The following AKAP13 variants were observed in gnomAD, a reference collection of about 807,000 sequenced individuals.
AKAP13 encodes the protein A-kinase anchor protein 13.
In AKAP13, 80 loss-of-function variants were observed where a neutral mutation model predicts 264.5. That is an observed-to-expected ratio of 0.30 (90% CI 0.25 to 0.36). The LOEUF (loss-of-function observed/expected upper bound fraction) is 0.36. Among genes scored for constraint, AKAP13 ranks in the 10% least tolerant of loss-of-function variants. AKAP13 has a pLI of 1.00. For missense variants in AKAP13, 3,712 were observed against 3,435.2 expected, an observed-to-expected ratio of 1.08 and a Z score of -2.01; for synonymous variants, 1,380 against 1,250.2, an observed-to-expected ratio of 1.10 and a Z score of -2.19.
Position 85,581,332 on chromosome 15 carries a change from G to A in AKAP13, c.3264G>A (p.Thr1088=), listed in dbSNP as rs563937314. 931 of 1,614,198 alleles carry A rather than the reference G, an allele frequency of 5.8e-4. 13 individuals carry two copies. The South Asian group carries it at 7.6e-3, about 13-fold the overall frequency. ...CCTGTGAGGTGAGTGGAGATGTGAC[G>A]GTGGATGTTACAGGGGTTAATGCTC... ...TSACEVSGDV[T]VDVTGVNALQ... The change falls in exon 7 of 37, where the codon ACG becomes ACA. Residue 1088 remains threonine, a synonymous_variant. Coordinates refer to ENST00000394518, the MANE Select transcript of AKAP13 (RefSeq NM_007200.5).
Position 85,579,434 on chromosome 15 carries a change from A to G in AKAP13, c.1366A>G (p.Thr456Ala). 1.2e-6 allele frequency: 2 copies of G among 1,614,214 alleles called. No homozygotes were observed. Among genetic ancestry groups the G allele is most frequent in the Non-Finnish European group, 8.5e-7 (1 of 1,180,020 alleles). Residue 456 changes from threonine (T) to alanine (A), a missense_variant, in exon 7 of 37, where the codon ACA (threonine) becomes GCA (alanine). Physicochemically the swap from Thr to Ala is moderately conservative, Grantham distance 58. Coordinates refer to ENST00000394518, the MANE Select transcript of AKAP13 (RefSeq NM_007200.5). The stretch of plus-strand genomic sequence containing the variant: ...GAGAGACTTGGTCATGGAGCCAGGC[A>G]CAGCCCAGTATTCCTCTGGAGGTGA... ...LQRDLVMEPGTAQYSSGGELG... is the reference protein window; with the variant it reads ...LQRDLVMEPGAAQYSSGGELG...
chr15:85,609,156 T>A (rs1020313724), intron 8 of AKAP13, among the ~76,000 whole-genome samples: 1 of 152,220 alleles, frequency 6.6e-6, no homozygotes, highest in Non-Finnish European at 1.5e-5. Context: ...CCCGCTAGTT[T>A]GAAATATACA....
intron 4 of AKAP13, among the ~76,000 whole-genome samples, chr15:85,537,801 T>C (rs904243232): frequency 7.2e-5 from 11 of 152,342 alleles, no homozygotes; most frequent in African/African-American, 2.2e-4. Flanking sequence ...GTGTGCTAGT[T>C]TATAAGCTAT....
intron 5 of AKAP13, among the ~76,000 whole-genome samples, chr15:85,557,710 A>G (rs982318574): frequency 1.3e-4 from 20 of 152,180 alleles, no homozygotes; most frequent in Middle Eastern, 3.2e-3. Context: ...TCCTGGACTC[A>G]AGTGATTTGC....
intron 1 of AKAP13, among the ~76,000 whole-genome samples, chr15:85,390,216 T>A (rs374948265): frequency 6.6e-6 from 1 of 152,132 alleles, no homozygotes; most frequent in South Asian, 2.1e-4. Context: ...TTGAGGGAAG[T>A]AGAAAATAAA....
intron 1 of AKAP13, among the ~76,000 whole-genome samples, chr15:85,472,023 C>T (rs2074979122): frequency 1.3e-5 from 2 of 151,824 alleles, no homozygotes; most frequent in Admixed American, 1.3e-4. Context: ...TTTTTTTAAG[C>T]AAGTTTTTCG....
At position 85,521,429 on chromosome 15, in the gene AKAP13, G is replaced by A. The variant is rs200047704; in HGVS notation, c.35G>A (p.Gly12Asp). 13 of 1,613,838 alleles carry A rather than the reference G, an allele frequency of 8.1e-6. No homozygotes were observed. The highest frequency in any genetic ancestry group is 8.5e-6 in the Non-Finnish European group (10 of 1,179,938). The change falls in exon 3 of 37, where the codon GGT (glycine) becomes GAT (aspartate). Residue 12 changes from glycine to aspartate, a missense_variant and splice_region_variant. Gly to Asp is a moderately conservative substitution (Grantham distance 94). Transcript: ENST00000394518. ...TTGCTATATTGTTTCCTTTCCTAGG[G>A]TGATTGTGTTGTTACAGTGCTGCTT... ...KLNPQQAPLY[G>D]DCVVTVLLAE...
chr15:85,422,126 C>T (rs926806328), intron 1 of AKAP13, among the ~76,000 whole-genome samples: 1 of 152,164 alleles, frequency 6.6e-6, no homozygotes, highest in African/African-American at 2.4e-5. Context: ...TTACCATGTA[C>T]CAACTAGTAT....
Position 85,665,949 on chromosome 15 carries a change from A to G in AKAP13, c.4992+1194A>G, listed in dbSNP as rs189694016. 7.2e-5 allele frequency among the ~76,000 whole-genome samples: 11 copies of G among 152,336 alleles called. No homozygotes were observed. In the East Asian group the frequency reaches 2.1e-3, roughly 29 times the overall value. ...TATCATGGACATTTGGGTTGGTTCC[A>G]AGTCTTTGCTATTGTTAACAATGCC... On this transcript the variant is annotated intron_variant, in intron 13 of 36. Coordinates refer to ENST00000394518, the MANE Select transcript of AKAP13 (RefSeq NM_007200.5).
intron 17 of AKAP13, among the ~76,000 whole-genome samples, chr15:85,699,463 T>C (rs2085777012): frequency 6.6e-6 from 1 of 152,060 alleles, no homozygotes; most frequent in Non-Finnish European, 1.5e-5. Flanking sequence ...AAAAAATTCT[T>C]TTTACAAAAA....
intron 1 of AKAP13, among the ~76,000 whole-genome samples, chr15:85,444,534 AT>A (rs1160707907): frequency 2.0e-5 from 3 of 152,212 alleles, no homozygotes; most frequent in African/African-American, 7.2e-5. Flanking sequence ...TTAGAGTAAA[AT>A]CTTTGCACAG....
intron 1 of AKAP13, among the ~76,000 whole-genome samples, chr15:85,410,732 G>A (rs2071920360): frequency 6.6e-6 from 1 of 151,296 alleles, no homozygotes. Flanking sequence ...GGTTTTTCAG[G>A]GCCTAACTCA....
intron 14 of AKAP13, among the ~76,000 whole-genome samples, chr15:85,673,318 C>T (rs772039045): frequency 6.6e-6 from 1 of 152,152 alleles, no homozygotes; most frequent in Non-Finnish European, 1.5e-5. Context: ...TCTTTAGGAA[C>T]CACAGAGGAC....
intron 5 of AKAP13, among the ~76,000 whole-genome samples, chr15:85,560,145 A>AAAAAAAAAAAAAG: frequency 6.6e-6 from 1 of 151,124 alleles, no homozygotes; most frequent in Non-Finnish European, 1.5e-5. Flanking sequence ...AAAAAAAAAA[A>AAAAAAAAAAAAAG]AAAAAAAAAA....
chr15:85,658,421 G>T, intron 11 of AKAP13, 116 bp from the exon 12 acceptor site: 2 of 801,038 alleles, frequency 2.5e-6, no homozygotes, highest in Non-Finnish European at 2.0e-6. Context: ...TCTCTTGCCT[G>T]TGCCATTTCT....
rs1331145355 is a variant in AKAP13, at chr15:85,723,142, C to T, written c.6567C>T (p.Asp2189=). ...TGAAGGATGTGATTGGAGCTGTAGACAGCAAAGTGGCAAGTTATGAAAAGA... is the reference window on the plus strand; with the variant it reads ...TGAAGGATGTGATTGGAGCTGTAGATAGCAAAGTGGCAAGTTATGAAAAGA... The part of the protein sequence containing the change: ...SLVKDVIGAV[D]SKVASYEKKV... Residue 2189 remains aspartate (D), a synonymous_variant, in exon 26 of 37, where the codon GAC becomes GAT. Transcript: ENST00000394518. 2.5e-6 allele frequency: 4 copies of T among 1,614,134 alleles called. No homozygotes were observed. Among genetic ancestry groups the T allele is most frequent in the South Asian group, 2.2e-5 (2 of 91,086 alleles).
intron 9 of AKAP13, among the ~76,000 whole-genome samples, chr15:85,642,439 G>A (rs1358757517): frequency 6.6e-6 from 1 of 152,230 alleles, no homozygotes; most frequent in Non-Finnish European, 1.5e-5. Context: ...TCAGTAGGAA[G>A]GGGACAAATA....
Position 85,719,340 on chromosome 15 carries a change from G to A in AKAP13, c.6252+14G>A. The stretch of plus-strand genomic sequence containing the variant: ...CTTGTAAATCAGGTGAGAATGGGAA[G>A]GATCTCAGGTTCTTACATACACTGG... On this transcript the variant is annotated intron_variant, in intron 23 of 36. Transcript: ENST00000394518. The A allele has an allele frequency of 6.2e-7, 1 of 1,613,504 alleles. No homozygotes were observed. The highest frequency in any genetic ancestry group is 1.1e-5 in the South Asian group (1 of 91,048).
chr15:85,680,379 C>G (rs1348239965), intron 14 of AKAP13, among the ~76,000 whole-genome samples: 1 of 152,036 alleles, frequency 6.6e-6, no homozygotes, highest in Non-Finnish European at 1.5e-5. Flanking sequence ...TATGCAGAAC[C>G]TGGGGATGGA....
Sources: gnomAD v4.1 joint callset for allele counts (sites outside exome capture counted in the v4.1 genomes callset) on GRCh38, gnomAD v4.1.1 for gene constraint, MANE v1.5 for transcripts, NCBI Gene and HGNC (gene_info 2026-07-23, HGNC 2026-07-21) for gene names.